Variants in IQCE observed in about 807,000 individuals in gnomAD.
The protein encoded by IQCE is IQ motif containing E, also known as IQ domain-containing protein E.
IQCE carries 115 observed loss-of-function variants against 96.0 expected under a neutral mutation model. The observed-to-expected ratio is 1.20, with a 90% CI of 1.03 to 1.40. IQCE has a LOEUF of 1.40. Among genes scored for constraint, IQCE ranks in the 40% most tolerant of loss-of-function variants. The probability of loss-of-function intolerance (pLI) is 0.00; values close to 1 mark genes in which losing one functional copy is unlikely to be tolerated. For missense variants in IQCE, 1,041 were observed against 909.1 expected, an observed-to-expected ratio of 1.15 and a Z score of -1.87; for synonymous variants, 412 against 371.2, an observed-to-expected ratio of 1.11 and a Z score of -1.26.
intron 8 of IQCE, among the ~76,000 whole-genome samples, chr7:2,580,770 C>T (rs959297221): frequency 1.3e-5 from 2 of 152,182 alleles, no homozygotes; most frequent in African/African-American, 2.4e-5. Context: ...GGCAGAGCCC[C>T]GTTTCTGTGA....
chr7:2,606,892 C>A (rs1310343625), intron 20 of IQCE, among the ~76,000 whole-genome samples: 1 of 152,184 alleles, frequency 6.6e-6, no homozygotes, highest in East Asian at 1.9e-4. Flanking sequence ...CTGACCTCAG[C>A]ATGGTCCCCG....
At chr7:2,593,612 G>T (rs924676149) in intron 15 of IQCE, among the ~76,000 whole-genome samples, 3 of 152,254 alleles carry the variant, frequency 2.0e-5, no homozygotes, top group Admixed American at 2.0e-4. Flanking sequence ...AAAACCTGGT[G>T]CTCGGCAAAG....
intron 17 of IQCE, 90 bp downstream of exon 17, chr7:2,598,722 G>A (rs1784238301): frequency 3.3e-6 from 4 of 1,215,800 alleles, no homozygotes; most frequent in African/African-American, 3.1e-5. Context: ...ACTGGGCCTG[G>A]AGGGCCAGCC....
chr7:2,598,674 T>C, intron 17 of IQCE, 42 bp downstream of exon 17: 1 of 1,439,806 alleles, frequency 6.9e-7, no homozygotes, highest in Non-Finnish European at 9.1e-7. Context: ...CCTGTGAGTC[T>C]TCGTGCTCCA....
intron 17 of IQCE, among the ~76,000 whole-genome samples, chr7:2,600,215 A>G (rs1784343550): frequency 6.6e-6 from 1 of 151,800 alleles, no homozygotes; most frequent in Admixed American, 6.6e-5. Flanking sequence ...TGTCCCCTTA[A>G]TTTCCCATAA....
chr7:2,598,759 C>A, intron 17 of IQCE, 127 bp downstream of exon 17: 1 of 799,728 alleles, frequency 1.3e-6, no homozygotes, highest in Non-Finnish European at 1.8e-6. Flanking sequence ...AGCACCGTAA[C>A]ATACAGAAAA....
chr7:2,607,465 T>A (rs1433119395), intron 21 of IQCE: 10 of 1,310,534 alleles, frequency 7.6e-6, no homozygotes, highest in Non-Finnish European at 9.7e-6. Context: ...GTCTTTATTT[T>A]TTGCTCTCAG....
At chr7:2,585,473 A>G (rs1783024016) in intron 11 of IQCE, among the ~76,000 whole-genome samples, 1 of 152,274 alleles carries the variant, frequency 6.6e-6, no homozygotes, top group Admixed American at 6.5e-5. Flanking sequence ...GGCTTCTTGC[A>G]CGCGCATAAG....
intron 1 of IQCE, among the ~76,000 whole-genome samples, chr7:2,562,317 C>T (rs1781029405): frequency 1.4e-5 from 2 of 142,188 alleles, no homozygotes; most frequent in Admixed American, 1.4e-4. Flanking sequence ...CCTTTTCATG[C>T]CTACTAGCAT....
At chr7:2,601,729 TA>T (rs1271525825) in intron 18 of IQCE, 1 of 402,078 alleles carries the variant, frequency 2.5e-6, no homozygotes, top group Non-Finnish European at 4.5e-6. Flanking sequence ...TTTGTATTTT[TA>T]GGAGAGACGG....
chr7:2,570,144 G>C lies in IQCE; in HGVS notation c.130+1145G>C, dbSNP rs73289678. Among the ~76,000 whole-genome samples, 1,429 of 152,218 alleles carry C rather than the reference G, an allele frequency of 9.4e-3. 21 individuals are homozygous for C. The highest frequency in any genetic ancestry group is 0.032 in the African/African-American group (1,346 of 41,524). Reference sequence around the variant, plus strand: ...AGGTTTGCAGCTCCCACCACGTTCCGAGGCTTTTCATCGTCCTGGTCACTC... The same window carrying C: ...AGGTTTGCAGCTCCCACCACGTTCCCAGGCTTTTCATCGTCCTGGTCACTC... On this transcript the variant is annotated intron_variant, in intron 3 of 21. Coordinates refer to ENST00000402050, the MANE Select transcript of IQCE (RefSeq NM_152558.5).
Position 2,578,375 on chromosome 7 carries a change from C to A in IQCE, c.579+20C>A. The stretch of plus-strand genomic sequence containing the variant: ...AGCCGCGTAAGCTCCTGGCGCTTCA[C>A]GGACGGGGCAAGGGGAGGGTCCTCG... On this transcript the variant is annotated intron_variant, in intron 7 of 21. Transcript: ENST00000402050. 6.2e-6 allele frequency: 10 copies of A among 1,612,292 alleles called. No individual in the cohort carries two copies. Among genetic ancestry groups the A allele is most frequent in the Non-Finnish European group, 8.5e-6 (10 of 1,178,378 alleles).
rs199837712 is a variant in IQCE at position 2,593,073 on chromosome 7, G to A, written c.1296G>A (p.Leu432=). Residue 432 remains leucine (L), a synonymous_variant, in exon 15 of 22, where the codon CTG becomes CTA. Transcript: ENST00000402050. The part of the protein sequence containing the change: ...LQAKADLEKE[L]ECAREGEEER... ...CGAAGGCCGACCTGGAGAAGGAGCT[G>A]GAGTGCGCGAGGGAGGGCGAGGAGG... 72 of 1,612,842 alleles carry A rather than the reference G, an allele frequency of 4.5e-5. No individual in the cohort carries two copies. The Middle Eastern group carries it at 5.0e-4, about 11-fold the overall frequency.
Position 2,583,617 on chromosome 7 carries a change from C to A in IQCE, c.702-20C>A, listed in dbSNP as rs766043153. The A allele has an allele frequency of 6.3e-7, 1 of 1,581,522 alleles. No individual in the cohort carries two copies. The highest frequency in any genetic ancestry group is 8.6e-7 in the Non-Finnish European group (1 of 1,157,890). On this transcript the variant is annotated intron_variant, in intron 9 of 21. Transcript: ENST00000402050. ...GGGAACGCTGGCACATCCCTATTAACGCTGAACTTGGGTTTTCAGCAAACT... is the reference window on the plus strand; with the variant it reads ...GGGAACGCTGGCACATCCCTATTAAAGCTGAACTTGGGTTTTCAGCAAACT...
chr7:2,559,484 T>TTGGACACGGTAAGAACGG (rs1780756801), intron 1 of IQCE: 1 of 235,804 alleles, frequency 4.2e-6, no homozygotes, highest in Non-Finnish European at 8.1e-6. Flanking sequence ...TCTGGGCGCC[T>TTGGACACGGTAAGAACGG]GCGAGTCTGC....
chr7:2,610,565 A>C lies in IQCE; in HGVS notation c.*403A>C. On this transcript the variant is annotated 3_prime_UTR_variant, in exon 22 of 22. Coordinates refer to ENST00000402050, the MANE Select transcript of IQCE (RefSeq NM_152558.5). ...CACCATGCCCCCTCTTCCTGGTGAC[A>C]CCCTCAACAACCAGGATTTGCTCGA... 5.3e-6 allele frequency: 1 copy of C among 189,476 alleles called. No individual in the cohort carries two copies. Among genetic ancestry groups the C allele is most frequent in the Non-Finnish European group, 1.1e-5 (1 of 90,668 alleles). 11.7% of individuals were successfully genotyped at this position (189,476 alleles called of 1,614,324 possible).
chr7:2,567,615 A>G (rs1243250974), intron 2 of IQCE, among the ~76,000 whole-genome samples: 4 of 152,270 alleles, frequency 2.6e-5, no homozygotes, highest in African/African-American at 9.6e-5. Flanking sequence ...CCAGTGGCAC[A>G]CTATGGCCCC....
intron 8 of IQCE, among the ~76,000 whole-genome samples, chr7:2,579,257 C>T (rs988948934): frequency 6.6e-6 from 1 of 152,074 alleles, no homozygotes; most frequent in African/African-American, 2.4e-5. Context: ...GGAAGTACTT[C>T]TCTAAAGTGG....
intron 1 of IQCE, among the ~76,000 whole-genome samples, chr7:2,559,781 G>GGGGGGGGGGA (rs1780795306): frequency 1.3e-5 from 1 of 78,592 alleles, no homozygotes; most frequent in African/African-American, 4.0e-5. Context: ...GGGGGGGGGG[G>GGGGGGGGGGA]GCGGAGGGAC....
Sources: allele counts gnomAD v4.1 joint callset (sites outside exome capture counted in the v4.1 genomes callset), GRCh38; gene constraint gnomAD v4.1.1; transcripts MANE v1.5; gene names NCBI Gene and HGNC (gene_info 2026-07-23, HGNC 2026-07-21).